Variants in DHX29 observed in about 807,000 individuals in gnomAD.
The protein encoded by DHX29 is DExH-box helicase 29, also known as ATP-dependent RNA helicase DHX29.
A neutral mutation model predicts 167.9 loss-of-function variants in DHX29; 79 were observed. The observed-to-expected ratio is 0.47, with a 90% CI of 0.39 to 0.57. The LOEUF is 0.57. Among genes scored for constraint, DHX29 ranks in the 20% least tolerant of loss-of-function variants. The pLI, the probability that DHX29 is intolerant of heterozygous loss-of-function variation, is 0.00. For missense variants in DHX29, 1,347 were observed against 1,593.4 expected (o/e 0.85, Z 2.63); for synonymous variants, 530 against 546.0 (o/e 0.97, Z 0.41).
chr5:55,278,540 A>C (rs951874787), intron 12 of DHX29, among the ~76,000 whole-genome samples: 2 of 152,230 alleles, frequency 1.3e-5, no homozygotes, highest in African/African-American at 4.8e-5. Flanking sequence ...ATTGTGCTAG[A>C]TGCTGGAGTT....
chr5:55,297,569 T>C (rs1325253993), intron 2 of DHX29, among the ~76,000 whole-genome samples, 171 bp from the exon 3 acceptor site: 1 of 152,168 alleles, frequency 6.6e-6, no homozygotes, highest in African/African-American at 2.4e-5. Context: ...TTCCTATCAT[T>C]TCTTTAAGAA....
chr5:55,293,872 G>C lies in DHX29; in HGVS notation c.780+145C>G, dbSNP rs1047831275. 1.8e-5 allele frequency: 13 copies of C among 707,930 alleles called. No individual in the cohort carries two copies. In the East Asian group the frequency reaches 3.2e-4, roughly 17 times the overall value. The allele number at this position is 707,930 out of a possible 1,614,324, so 43.9% of individuals were successfully genotyped here. A position where few individuals can be genotyped will look rare whatever the true frequency, so the allele number is the denominator to read the frequency against. ...GCAGTTAACTTTCTGCTAAGTTTTT[G>C]CCTAAGTGTTATTTTATTTAATCTT... On this transcript the variant is annotated intron_variant, in intron 6 of 26. Coordinates refer to ENST00000251636, the MANE Select transcript of DHX29 (RefSeq NM_019030.4).
intron 8 of DHX29, among the ~76,000 whole-genome samples, chr5:55,287,617 A>G (rs1747805971): frequency 6.6e-6 from 1 of 152,212 alleles, no homozygotes; most frequent in South Asian, 2.1e-4. Context: ...AAAAACTTCT[A>G]CAGTTTTTAG....
At chr5:55,289,506 A>G (rs1747926662) in intron 7 of DHX29, 78 bp from the exon 8 acceptor site, 3 of 1,188,690 alleles carry the variant, frequency 2.5e-6, no homozygotes, top group African/African-American at 1.6e-5. Flanking sequence ...CTTTTTTGGT[A>G]TTTATACACC....
At chr5:55,302,310 T>C (rs1048899346) in intron 1 of DHX29, among the ~76,000 whole-genome samples, 1 of 152,158 alleles carries the variant, frequency 6.6e-6, no homozygotes, top group Admixed American at 6.5e-5. Flanking sequence ...GCTATAACCC[T>C]TTTAAAAAGT....
intron 20 of DHX29, 150 bp from the exon 21 acceptor site, chr5:55,269,787 A>C: frequency 3.5e-6 from 2 of 568,280 alleles, no homozygotes; most frequent in Non-Finnish European, 6.1e-6. Flanking sequence ...TTTTTTTTAT[A>C]ATGGGGGTAG....
intron 13 of DHX29, 129 bp from the exon 14 acceptor site, chr5:55,276,535 T>G: frequency 1.4e-6 from 1 of 723,522 alleles, no homozygotes; most frequent in Non-Finnish European, 2.1e-6. Context: ...GAAAAAAAAT[T>G]TTTAGTATTA....
At chr5:55,267,333 A>C in intron 22 of DHX29, 102 bp from the exon 23 acceptor site, 1 of 832,834 alleles carries the variant, frequency 1.2e-6, no homozygotes, top group Non-Finnish European at 1.9e-6. Flanking sequence ...TTAAATTATA[A>C]TTTTAAAAGG....
intron 21 of DHX29, 50 bp from the exon 22 acceptor site, chr5:55,267,872 C>G (rs892471300): frequency 7.1e-7 from 1 of 1,410,364 alleles, no homozygotes; most frequent in East Asian, 2.5e-5. Flanking sequence ...AAGAGCAATA[C>G]AGTGAAAGTT....
chr5:55,307,649 T>C lies in DHX29; in HGVS notation c.-76A>G. 1 of 1,546,450 alleles carries C rather than the reference T, an allele frequency of 6.5e-7. No individual in the cohort carries two copies. The highest frequency in any genetic ancestry group is 8.8e-7 in the Non-Finnish European group (1 of 1,142,506). On this transcript the variant is annotated 5_prime_UTR_variant, in exon 1 of 27. Transcript: ENST00000251636. ...CTGCACAGCCGAGAGCTCTTCACAT[T>C]CCCCGGCTCCGGGGCTGCCACCCTG...
intron 23 of DHX29, 131 bp from the exon 24 acceptor site, chr5:55,263,063 C>T (rs1035864002): frequency 1.5e-6 from 1 of 678,212 alleles, no homozygotes; most frequent in African/African-American, 1.8e-5. Flanking sequence ...TAACGATAGC[C>T]CAAATTACCT....
chr5:55,307,006 A>T (rs572151920), intron 1 of DHX29, among the ~76,000 whole-genome samples: 1 of 152,242 alleles, frequency 6.6e-6, no homozygotes, highest in Non-Finnish European at 1.5e-5. Context: ...ACTGACAGAA[A>T]ATGGGGCTGG....
At chr5:55,294,553 T>C (rs1405721934) in intron 5 of DHX29, among the ~76,000 whole-genome samples, 1 of 152,142 alleles carries the variant, frequency 6.6e-6, no homozygotes, top group African/African-American at 2.4e-5. Flanking sequence ...AGGGTGCCTG[T>C]AGTCCCAGCT....
At chr5:55,274,772 T>C (rs747112499) in intron 15 of DHX29, 41 bp from the exon 16 acceptor site, 14 of 1,566,312 alleles carry the variant, frequency 8.9e-6, no homozygotes, top group Non-Finnish European at 1.2e-5. Flanking sequence ...AATAAGAAGA[T>C]AAGGAACAGC....
chr5:55,272,070 G>T lies in DHX29; in HGVS notation c.2864+17C>A. On this transcript the variant is annotated intron_variant, in intron 18 of 26. Coordinates refer to ENST00000251636, the MANE Select transcript of DHX29 (RefSeq NM_019030.4). ...TTCCAGGTTAAAAATGTTTTGATTT[G>T]GGAAATTTAAACTTACTTATTTTCT... The T allele has an allele frequency of 1.4e-6, 2 of 1,439,356 alleles. No homozygotes were observed. Among genetic ancestry groups the T allele is most frequent in the Non-Finnish European group, 1.9e-6 (2 of 1,044,724 alleles). The allele number at this position is 1,439,356 out of a possible 1,614,324, so 89.2% of individuals were successfully genotyped here. A position where few individuals can be genotyped will look rare whatever the true frequency, so the allele number is the denominator to read the frequency against.
At chr5:55,285,245 A>G in intron 10 of DHX29, 48 bp downstream of exon 10, 1 of 1,588,352 alleles carries the variant, frequency 6.3e-7, no homozygotes, top group Non-Finnish European at 8.6e-7. Context: ...AACCATAATT[A>G]AATACTGCCT....
chr5:55,276,440 C>A, intron 13 of DHX29, 34 bp from the exon 14 acceptor site: 2 of 1,520,970 alleles, frequency 1.3e-6, no homozygotes, highest in East Asian at 2.4e-5. Flanking sequence ...TGGGTGAATT[C>A]AAATTCGTTT....
Position 55,269,723 on chromosome 5 carries a change from T to G in DHX29, c.3070-86A>C, listed in dbSNP as rs1449284775. 2.6e-6 allele frequency: 3 copies of G among 1,135,536 alleles called. No homozygotes were observed. In the Admixed American group the frequency reaches 6.7e-5, roughly 25 times the overall value. 70.3% of individuals were successfully genotyped at this position (1,135,536 alleles called of 1,614,324 possible). A position where few individuals can be genotyped will look rare whatever the true frequency, so the allele number is the denominator to read the frequency against. On this transcript the variant is annotated intron_variant, in intron 20 of 26. Coordinates refer to ENST00000251636, the MANE Select transcript of DHX29 (RefSeq NM_019030.4). Reference sequence around the variant, plus strand: ...GATGTTAGTGGAACTAAATTTGACTTCAGTAAAATTTTGAGCAAAGAGGGT... The same window carrying G: ...GATGTTAGTGGAACTAAATTTGACTGCAGTAAAATTTTGAGCAAAGAGGGT...
intron 2 of DHX29, 118 bp downstream of exon 2, chr5:55,298,473 G>A (rs1224898160): frequency 4.8e-6 from 3 of 621,334 alleles, no homozygotes; most frequent in Non-Finnish European, 8.9e-6. Context: ...AGCTCTTAGA[G>A]TACTATTTAC....
Sources: gnomAD v4.1 joint callset for allele counts (sites outside exome capture counted in the v4.1 genomes callset) on GRCh38, gnomAD v4.1.1 for gene constraint, MANE v1.5 for transcripts, NCBI Gene and HGNC (gene_info 2026-07-23, HGNC 2026-07-21) for gene names.